The following FMNL1 variants were observed in gnomAD, a reference collection of about 807,000 sequenced individuals.
The protein encoded by FMNL1 is formin like 1.
A neutral mutation model predicts 121.3 loss-of-function variants in FMNL1; 43 were observed. The ratio of observed to expected loss-of-function variants is 0.35; its 90% CI spans 0.28 to 0.46. The LOEUF is 0.46. Among genes scored for constraint, FMNL1 ranks in the 20% least tolerant of loss-of-function variants. The pLI, the probability that FMNL1 is intolerant of heterozygous loss-of-function variation, is 1.00. For missense variants in FMNL1, 1,191 were observed against 1,482.4 expected, an observed-to-expected ratio of 0.80 and a Z score of 3.23; for synonymous variants, 613 against 613.5, an observed-to-expected ratio of 1.00 and a Z score of 0.01.
At position 45,243,963 on chromosome 17, in the gene FMNL1, G is replaced by A. The variant is rs1006652541; in HGVS notation, c.2386G>A (p.Glu796Lys). The change falls in exon 18 of 27, where the codon GAG (glutamate) becomes AAG (lysine). Residue 796 changes from glutamate to lysine, a missense_variant. Transcript: ENST00000331495. ...CTTCAGCCGCATCCCGCGCCTGCCG[G>A]AGCGCATGACCACACTCACCTTCCT... ...LCFSRIPRLP[E>K]RMTTLTFLGN... 1 of 1,613,102 alleles carries A rather than the reference G, an allele frequency of 6.2e-7. No individual in the cohort carries two copies. Among genetic ancestry groups the A allele is most frequent in the African/African-American group, 1.3e-5 (1 of 74,954 alleles).
chr17:45,224,420 G>C (rs1213815721), intron 1 of FMNL1, among the ~76,000 whole-genome samples: 3 of 152,206 alleles, frequency 2.0e-5, no homozygotes, highest in Non-Finnish European at 4.4e-5. Flanking sequence ...CCTGTCCTCG[G>C]TCAGTGTCTA....
chr17:45,232,088 C>T (rs187755631), intron 2 of FMNL1, among the ~76,000 whole-genome samples: 3 of 152,084 alleles, frequency 2.0e-5, no homozygotes, highest in East Asian at 1.9e-4. Flanking sequence ...GTAGGAGGAT[C>T]GCTTGAGCCC....
chr17:45,236,041 AG>A, intron 6 of FMNL1, 94 bp from the exon 7 acceptor site: 1 of 1,003,136 alleles, frequency 1.0e-6, no homozygotes, highest in Non-Finnish European at 1.5e-6. Flanking sequence ...GTCAGGTTCC[AG>A]ATGTGCCTCC....
intron 11 of FMNL1, 103 bp downstream of exon 11, chr17:45,239,168 A>C: frequency 1.1e-6 from 1 of 921,994 alleles, no homozygotes; most frequent in Non-Finnish European, 1.8e-6. Flanking sequence ...CTGGGTTTAA[A>C]TCCTGGCTCT....
Position 45,241,074 on chromosome 17 carries a change from C to G in FMNL1, c.1231-55C>G. 1 of 1,596,854 alleles carries G rather than the reference C, an allele frequency of 6.3e-7. No homozygotes were observed. The highest frequency in any genetic ancestry group is 1.1e-5 in the South Asian group (1 of 90,442). ...GGCATGCCTGATGCCGCCCCCTCAC[C>G]GGCGGTGCCAGTGCCGGGCTGCGGG... On this transcript the variant is annotated intron_variant, in intron 12 of 26. Coordinates refer to ENST00000331495, the MANE Select transcript of FMNL1 (RefSeq NM_005892.4). The surrounding 1 kb of genome is among the most constrained non-coding windows in gnomAD (Gnocchi z 7.0).
chr17:45,239,305 C>T (rs960344110), intron 11 of FMNL1: 4 of 515,324 alleles, frequency 7.8e-6, no homozygotes, highest in African/African-American at 7.7e-5. Flanking sequence ...GTGCCTGGCA[C>T]ATACCAGGCC....
intron 1 of FMNL1, among the ~76,000 whole-genome samples, chr17:45,226,192 C>T (rs764751312): frequency 1.3e-5 from 2 of 152,178 alleles, no homozygotes; most frequent in Non-Finnish European, 2.9e-5. Context: ...GCCTGGTGGC[C>T]GGAAACCGCT....
At position 45,222,155 on chromosome 17, in the gene FMNL1, C is replaced by T; in HGVS notation, c.31C>T (p.Pro11Ser). The change falls in exon 1 of 27, where the codon CCC (proline) becomes TCC (serine). Residue 11 changes from proline to serine, a missense_variant. Transcript: ENST00000331495. ...CAACGCGGCCGGCAGCGCCGAGCAG[C>T]CCGCGGGCCCCGCCGCGCCGCCCCC... Reference protein sequence around the residue: MGNAAGSAEQPAGPAAPPPKQ... With the variant: MGNAAGSAEQSAGPAAPPPKQ... 8.3e-7 allele frequency: 1 copy of T among 1,200,780 alleles called. No homozygotes were observed. The allele number at this position is 1,200,780 out of a possible 1,614,324, so 74.4% of individuals were successfully genotyped here.
At chr17:45,226,019 G>T (rs538129116) in intron 1 of FMNL1, among the ~76,000 whole-genome samples, 1 of 152,250 alleles carries the variant, frequency 6.6e-6, no homozygotes, top group East Asian at 1.9e-4. Context: ...CCATTTAGCG[G>T]AGGGAGCCCA....
At position 45,237,564 on chromosome 17, in the gene FMNL1, G is replaced by A; in HGVS notation, c.819G>A (p.Leu273=). Reference sequence around the variant, plus strand: ...TCTCCAGAACCAAGGCTCTGGTGCTGGAGCTGCTGGCGGCCGTGTGCTTGG... The same window carrying A: ...TCTCCAGAACCAAGGCTCTGGTGCTAGAGCTGCTGGCGGCCGTGTGCTTGG... ...NKNPRTKALV[L]ELLAAVCLVR... is the part of the protein sequence containing the mutation. The change falls in exon 9 of 27, where the codon CTG becomes CTA. Residue 273 remains leucine, a synonymous_variant. Coordinates refer to ENST00000331495, the MANE Select transcript of FMNL1 (RefSeq NM_005892.4). This position sits in a 1 kb window ranked among gnomAD's most constrained non-coding sequence, Gnocchi z 4.4. 1.2e-6 allele frequency: 2 copies of A among 1,614,174 alleles called. No homozygotes were observed. The highest frequency in any genetic ancestry group is 2.2e-5 in the East Asian group (1 of 44,892).
intron 1 of FMNL1, among the ~76,000 whole-genome samples, chr17:45,229,516 C>T (rs570338233): frequency 1.3e-4 from 20 of 152,342 alleles, no homozygotes; most frequent in African/African-American, 3.1e-4. Context: ...CCCACATCCC[C>T]GATGGAGACT....
At chr17:45,244,696 A>C in intron 19 of FMNL1, 123 bp from the exon 20 acceptor site, 1 of 964,600 alleles carries the variant, frequency 1.0e-6, no homozygotes, top group Non-Finnish European at 1.6e-6. Context: ...CCTGTGCAGG[A>C]GTACAGTAGG....
intron 6 of FMNL1, among the ~76,000 whole-genome samples, chr17:45,235,304 C>A (rs1487955850): frequency 6.6e-6 from 1 of 152,164 alleles, no homozygotes; most frequent in East Asian, 1.9e-4. Context: ...CCACTTGGGA[C>A]ATCAGGAAGG....
Position 45,245,993 on chromosome 17 carries a change from C to A in FMNL1, c.3090+20C>A. On this transcript the variant is annotated intron_variant, in intron 24 of 26. Transcript: ENST00000331495. ...CCCAAGGTAGGCAACTGCTCCTGGG[C>A]TTGGTACTGGGCTGCAGGGATGCAT... 1 of 1,538,768 alleles carries A rather than the reference C, an allele frequency of 6.5e-7. No individual in the cohort carries two copies. The highest frequency in any genetic ancestry group is 2.2e-5 in the Admixed American group (1 of 45,812).
Position 45,234,186 on chromosome 17 carries a change from C to G in FMNL1, c.600C>G (p.Arg200=). ...KGPPSSVPKS[R]HLTIKLTPAH... ...CACCCTCCTCCGTGCCCAAAAGCCG[C>G]CACCTGACCATCAAGTATGTGGGCC... The change falls in exon 6 of 27, where the codon CGC becomes CGG. Residue 200 remains arginine (R), a synonymous_variant. Coordinates refer to ENST00000331495, the MANE Select transcript of FMNL1 (RefSeq NM_005892.4). 2 of 1,614,124 alleles carry G rather than the reference C, an allele frequency of 1.2e-6. No homozygotes were observed. The highest frequency in any genetic ancestry group is 1.7e-6 in the Non-Finnish European group (2 of 1,180,032).
In FMNL1 at chr17:45,246,895, A is replaced by G. The variant is rs1287213433; in HGVS notation, c.*37A>G. 3 of 755,896 alleles carry G rather than the reference A, an allele frequency of 4.0e-6. No individual in the cohort carries two copies. The highest frequency in any genetic ancestry group is 7.2e-6 in the Non-Finnish European group (3 of 414,482). The allele number at this position is 755,896 out of a possible 1,614,324, so 46.8% of individuals were successfully genotyped here. A position where few individuals can be genotyped will look rare whatever the true frequency, so the allele number is the denominator to read the frequency against. On this transcript the variant is annotated 3_prime_UTR_variant, in exon 27 of 27. Transcript: ENST00000331495. ...TGCGGAACCAGCCCTACATCCGCGC[A>G]GACACAGGCCGCCGCAGTGCCCGTC...
At chr17:45,240,080 C>T (rs554171679) in intron 11 of FMNL1, among the ~76,000 whole-genome samples, 1 of 152,328 alleles carries the variant, frequency 6.6e-6, no homozygotes, top group African/African-American at 2.4e-5. Context: ...CATGAGCCAC[C>T]TCGCCCAGCT....
At chr17:45,232,053 A>C (rs551898088) in intron 2 of FMNL1, among the ~76,000 whole-genome samples, 47 of 152,288 alleles carry the variant, frequency 3.1e-4, no homozygotes, top group Non-Finnish European at 4.7e-4. Context: ...GCACACCCGT[A>C]GTCCCAGCTA....
In FMNL1 at chr17:45,241,385, C is replaced by A; in HGVS notation, c.1336C>A (p.Arg446Ser). ...ARKELETLRE[R>S]FSESTAMGPS... ...ACCCCTCCCGTGGGGTTCGTAGGAG[C>A]GCTTCAGCGAATCGACCGCCATGGG... The change falls in exon 14 of 27, where the codon CGC becomes AGC. Residue 446 changes from arginine to serine, a missense_variant. By Grantham distance (110) the Arg-to-Ser change is moderately radical (BLOSUM62 -1). Transcript: ENST00000331495. The surrounding 1 kb of genome is among the most constrained non-coding windows in gnomAD (Gnocchi z 7.0). 6.4e-7 allele frequency: 1 copy of A among 1,570,748 alleles called. No homozygotes were observed.
Sources: gnomAD v4.1 joint callset for allele counts (sites outside exome capture counted in the v4.1 genomes callset) on GRCh38, gnomAD v4.1.1 for gene constraint, Gnocchi (gnomAD v3.1) non-coding constraint, MANE v1.5 for transcripts, NCBI Gene and HGNC (gene_info 2026-07-23, HGNC 2026-07-21) for gene names.